The following DMXL2 variants were observed in gnomAD, a reference collection of about 807,000 sequenced individuals.
The protein encoded by DMXL2 is Dmx like 2.
DMXL2 carries 103 observed loss-of-function variants against 331.1 expected under a neutral mutation model. That is an observed-to-expected ratio of 0.31 (90% confidence interval 0.27 to 0.37). The LOEUF (loss-of-function observed/expected upper bound fraction) is 0.37, where lower values mean the gene tolerates loss of function less well. Ranked by LOEUF, DMXL2 falls within the 10% of genes least tolerant of loss-of-function variation. DMXL2 has a pLI of 1.00. For missense variants in DMXL2, 3,171 were observed against 3,642.9 expected (o/e 0.87, Z 3.33); for synonymous variants, 1,281 against 1,252.1 (o/e 1.02, Z -0.49).
At chr15:51,606,986 T>C (rs936501050) in intron 1 of DMXL2, among the ~76,000 whole-genome samples, 10 of 151,790 alleles carry the variant, frequency 6.6e-5, no homozygotes, top group Non-Finnish European at 2.9e-5. Flanking sequence ...GGCGAAACCC[T>C]GTCCCTACTA....
chr15:51,500,368 T>C lies in DMXL2; in HGVS notation c.2993-137A>G, dbSNP rs996326809. On this transcript the variant is annotated intron_variant, in intron 17 of 43. Coordinates refer to ENST00000560891, the MANE Select transcript of DMXL2 (RefSeq NM_001378457.1). ...CAGAATATCTCTGCAGTCTTCCTCT[T>C]AACTAGTATCCCACTAAATGTCCAT... 20 of 894,696 alleles carry C rather than the reference T, an allele frequency of 2.2e-5. No homozygotes were observed. In the African/African-American group the frequency reaches 2.9e-4, roughly 13 times the overall value. 55.4% of individuals were successfully genotyped at this position (894,696 alleles called of 1,614,324 possible).
rs150073932 is a variant in DMXL2, at chr15:51,576,128, T to C, written c.141A>G (p.Val47=). Residue 47 remains valine, a synonymous_variant, in exon 2 of 44, where the codon GTA becomes GTG. Coordinates refer to ENST00000560891, the MANE Select transcript of DMXL2 (RefSeq NM_001378457.1). ...IVILANDFEC[V]QIIPGAKHGN... is the part of the protein sequence containing the mutation. ...CATGCTTAGCACCAGGAATGATCTG[T>C]ACACATTCAAAGTCATTTGCCAAAA... 3.9e-6 allele frequency: 6 copies of C among 1,539,364 alleles called. No homozygotes were observed. The African/African-American group carries it at 8.8e-5, about 23-fold the overall frequency.
chr15:51,497,594 T>A (rs1005541551), intron 18 of DMXL2, among the ~76,000 whole-genome samples: 1 of 152,352 alleles, frequency 6.6e-6, no homozygotes, highest in East Asian at 1.9e-4. Flanking sequence ...TTCTGATCAT[T>A]AATTTTCAGT....
At position 51,486,055 on chromosome 15, in the gene DMXL2, A is replaced by T; in HGVS notation, c.5482+18T>A. ...TTCCTTTAAAAAAGAAAAAAAAGAAATCCACAAAACGTCCTACCTTGATGT... is the reference window on the plus strand; with the variant it reads ...TTCCTTTAAAAAAGAAAAAAAAGAATTCCACAAAACGTCCTACCTTGATGT... On this transcript the variant is annotated intron_variant, in intron 23 of 43. Transcript: ENST00000560891. The T allele has an allele frequency of 6.5e-7, 1 of 1,537,922 alleles. No homozygotes were observed.
chr15:51,509,622 G>A (rs531643128), intron 15 of DMXL2, among the ~76,000 whole-genome samples: 49 of 152,176 alleles, frequency 3.2e-4, no homozygotes, highest in African/African-American at 1.1e-3. Context: ...AATTCTACCA[G>A]AGGTACAAAG....
Position 51,498,546 on chromosome 15 carries a change from A to G in DMXL2, c.4672+6T>C, listed in dbSNP as rs1477495948. The G allele has an allele frequency of 1.2e-6, 2 of 1,600,148 alleles. No individual in the cohort carries two copies. The highest frequency in any genetic ancestry group is 1.7e-6 in the Non-Finnish European group (2 of 1,174,086). On this transcript the variant is annotated splice_donor_region_variant and intron_variant, in intron 18 of 43. Transcript: ENST00000560891. ...AACTTTATAAATTTTTAGCGAGAATATTTACCTGAGCAACTCTTATCTCTG... is the reference window on the plus strand; with the variant it reads ...AACTTTATAAATTTTTAGCGAGAATGTTTACCTGAGCAACTCTTATCTCTG...
At position 51,600,295 on chromosome 15, in the gene DMXL2, T is replaced by A. The variant is rs571868401; in HGVS notation, c.87+22164A>T. Among the ~76,000 whole-genome samples the A allele has an allele frequency of 4.6e-5, 7 of 152,298 alleles. No individual in the cohort carries two copies. The South Asian group carries it at 1.5e-3, about 32-fold the overall frequency. ...GGTTATCACCTCCTTTTAGGAGAGC[T>A]AGGTAGAATCTACCTGACTCACCCT... On this transcript the variant is annotated intron_variant, in intron 1 of 43. Transcript: ENST00000560891.
At chr15:51,461,777 C>T (rs1424369696) in intron 33 of DMXL2, among the ~76,000 whole-genome samples, 1 of 152,072 alleles carries the variant, frequency 6.6e-6, no homozygotes, top group Admixed American at 6.5e-5. Context: ...GTCTCAAACC[C>T]CTGAGCTCAG....
chr15:51,483,625 C>A (rs559513301), intron 23 of DMXL2, among the ~76,000 whole-genome samples: 19 of 152,150 alleles, frequency 1.2e-4, no homozygotes, highest in African/African-American at 4.6e-4. Context: ...TACATGCCCA[C>A]ACTCAGGACC....
chr15:51,589,808 A>C (rs1278914323), intron 1 of DMXL2, among the ~76,000 whole-genome samples: 2 of 152,220 alleles, frequency 1.3e-5, no homozygotes, highest in Non-Finnish European at 2.9e-5. Flanking sequence ...AGAGACTATA[A>C]AGAGAATTAA....
intron 17 of DMXL2, among the ~76,000 whole-genome samples, chr15:51,501,235 T>C (rs1490657894): frequency 6.6e-6 from 1 of 152,186 alleles, no homozygotes. Flanking sequence ...AGAAAACACC[T>C]ATACTGAATA....
At position 51,540,478 on chromosome 15, in the gene DMXL2, C is replaced by T. The variant is rs59861752; in HGVS notation, c.1105+1855G>A. ...CAACAACTTTACTTTCAAATGGTTC[C>T]GTCAAAAATAAGGGAAGAGGCAGCA... On this transcript the variant is annotated intron_variant, in intron 9 of 43. Coordinates refer to ENST00000560891, the MANE Select transcript of DMXL2 (RefSeq NM_001378457.1). Among the ~76,000 whole-genome samples, 1,093 of 151,504 alleles carry T rather than the reference C, an allele frequency of 7.2e-3. 19 individuals are homozygous for T. Among genetic ancestry groups the T allele is most frequent in the African/African-American group, 0.025 (1,049 of 41,292 alleles).
In DMXL2 at chr15:51,481,039, G is replaced by GTGT. The variant is rs770448269; in HGVS notation, c.6064_6066dup (p.Thr2022dup). The GTGT allele has an allele frequency of 1.9e-6, 3 of 1,614,112 alleles. No homozygotes were observed. The highest frequency in any genetic ancestry group is 2.5e-6 in the Non-Finnish European group (3 of 1,180,010). On this transcript the variant is annotated inframe_insertion, in exon 24 of 44. Transcript: ENST00000560891. ...CCTTCAGGATCATCCTCTTCCTGAG[G>GTGT]TGTTAATAACATGTTAGGGTCTGAG...
At chr15:51,564,539 GTAT>G (rs1251324563) in intron 4 of DMXL2, among the ~76,000 whole-genome samples, 1 of 151,862 alleles carries the variant, frequency 6.6e-6, no homozygotes, top group Non-Finnish European at 1.5e-5. Context: ...AACAACAAAT[GTAT>G]TAATAGAATA....
chr15:51,476,675 C>T lies in DMXL2; in HGVS notation c.6878G>A (p.Gly2293Glu). ...TCTTCTACGATCACTTAAAAGAAGT[C>T]CTTGATAAGCCATTCCTGTAAACTG... ...GNQFTGMAYQ[G>E]LLLSDRRRLR... The change falls in exon 27 of 44, where the codon GGA becomes GAA. Residue 2293 changes from glycine (G) to glutamate (E), a missense_variant. This residue lies in a region of DMXL2 where 766 missense variants were observed against 940.5 expected (regional missense o/e 0.81). Transcript: ENST00000560891. 5 of 1,608,978 alleles carry T rather than the reference C, an allele frequency of 3.1e-6. No homozygotes were observed. The highest frequency in any genetic ancestry group is 4.2e-6 in the Non-Finnish European group (5 of 1,178,440).
intron 13 of DMXL2, among the ~76,000 whole-genome samples, chr15:51,521,787 A>G (rs1399322126): frequency 6.6e-6 from 1 of 152,196 alleles, no homozygotes; most frequent in Non-Finnish European, 1.5e-5. Flanking sequence ...GACTACTTCT[A>G]TTCATTTTAA....
Position 51,506,602 on chromosome 15 carries a change from C to T in DMXL2, c.2764+532G>A, listed in dbSNP as rs556892476. On this transcript the variant is annotated intron_variant, in intron 16 of 43. Coordinates refer to ENST00000560891, the MANE Select transcript of DMXL2 (RefSeq NM_001378457.1). Reference sequence around the variant, plus strand: ...CTGAGTAGCTGGGACTACAGGCGCCCGCCACCACGCCCGGCTAATTTTTTG... The same window carrying T: ...CTGAGTAGCTGGGACTACAGGCGCCTGCCACCACGCCCGGCTAATTTTTTG... 5.3e-5 allele frequency among the ~76,000 whole-genome samples: 8 copies of T among 151,930 alleles called. No homozygotes were observed. In the East Asian group the frequency reaches 1.2e-3, roughly 22 times the overall value.
In DMXL2 at chr15:51,448,184, TC is replaced by T. The variant is rs1235608045; in HGVS notation, c.*799del. On this transcript the variant is annotated 3_prime_UTR_variant, in exon 44 of 44. Coordinates refer to ENST00000560891, the MANE Select transcript of DMXL2 (RefSeq NM_001378457.1). ...TATGAAATGCTCTATTGGTGTAGTT[TC>T]AACATATCCTTAAATGTTTGGGTGT... 1.3e-5 allele frequency: 2 copies of T among 152,684 alleles called. No homozygotes were observed. The highest frequency in any genetic ancestry group is 2.9e-5 in the Non-Finnish European group (2 of 68,042). 9.5% of individuals were successfully genotyped at this position (152,684 alleles called of 1,614,324 possible).
In DMXL2 at chr15:51,538,313, A is replaced by C; in HGVS notation, c.1245T>G (p.Ser415=). The C allele has an allele frequency of 6.2e-7, 1 of 1,613,918 alleles. No homozygotes were observed. The highest frequency in any genetic ancestry group is 8.5e-7 in the Non-Finnish European group (1 of 1,179,870). ...CATTTTCATGATCTACCTGCTTATC[A>C]GAAAGTTTTCGTAATTGATGCATAA... ...EVFMHQLRKL[S]DKQVDHENDD... is the part of the protein sequence containing the mutation. Residue 415 remains serine, a synonymous_variant, in exon 10 of 44, where the codon TCT becomes TCG. Transcript: ENST00000560891.
Sources: gnomAD v4.1 joint callset for allele counts (sites outside exome capture counted in the v4.1 genomes callset) on GRCh38, gnomAD v4.1.1 for gene constraint, gnomAD v4.1.1 regional missense constraint, MANE v1.5 for transcripts, NCBI Gene and HGNC (gene_info 2026-07-23, HGNC 2026-07-21) for gene names.